UGT1A7: variants seen among roughly 807,000 people sequenced by gnomAD.
The protein encoded by UGT1A7 is UDP-glucuronosyltransferase 1A7.
Under a neutral mutation model 45.6 loss-of-function variants are expected in UGT1A7, and 33 were observed. The observed-to-expected ratio is 0.72, with a 90% CI of 0.55 to 0.97. UGT1A7 has a LOEUF of 0.97. Among genes scored for constraint, UGT1A7 ranks in the 50% least tolerant of loss-of-function variants. The pLI is 0.00. For missense variants in UGT1A7, 684 were observed against 666.2 expected, an observed-to-expected ratio of 1.03 and a Z score of -0.29; for synonymous variants, 274 against 250.6, an observed-to-expected ratio of 1.09 and a Z score of -0.88.
intron 1 of UGT1A7, chr2:233,760,975 T>A: frequency 6.2e-7 from 1 of 1,614,220 alleles, no homozygotes; most frequent in Non-Finnish European, 8.5e-7. Context: ...TTATTCCCCG[T>A]ATGCAACCCT....
intron 1 of UGT1A7, among the ~76,000 whole-genome samples, chr2:233,752,110 GAGA>G (rs1201520833): frequency 1.3e-5 from 2 of 152,210 alleles, no homozygotes; most frequent in East Asian, 1.9e-4. Flanking sequence ...AGAATCAGAG[GAGA>G]AGAAGATGAT....
At position 233,729,652 on chromosome 2, in the gene UGT1A7, A is replaced by G. The variant is rs573544269; in HGVS notation, c.856-37382A>G. On this transcript the variant is annotated intron_variant, in intron 1 of 4. Transcript: ENST00000373426. ...TCCTACTGTGTTTTTTTTGAGGAAC[A>G]TTCCATGTGATTTAGACTTTAAGGG... 5 of 1,613,890 alleles carry G rather than the reference A, an allele frequency of 3.1e-6. No individual in the cohort carries two copies. The African/African-American group carries it at 6.7e-5, about 22-fold the overall frequency.
intron 1 of UGT1A7, chr2:233,729,771 C>A: frequency 6.2e-7 from 1 of 1,613,970 alleles, no homozygotes; most frequent in Non-Finnish European, 8.5e-7. Flanking sequence ...AGAACATGCT[C>A]TACCCTCTGG....
intron 1 of UGT1A7, among the ~76,000 whole-genome samples, chr2:233,739,970 G>A (rs887253377): frequency 6.6e-5 from 10 of 151,810 alleles, no homozygotes; most frequent in Admixed American, 4.6e-4. Flanking sequence ...GAATCATATC[G>A]GCAGTTTTCC....
At chr2:233,756,696 A>G (rs1696298484) in intron 1 of UGT1A7, among the ~76,000 whole-genome samples, 1 of 152,182 alleles carries the variant, frequency 6.6e-6, no homozygotes, top group African/African-American at 2.4e-5. Flanking sequence ...ATGACGATGA[A>G]TTTTGGGGGG....
At chr2:233,719,126 A>G (rs771877893) in intron 1 of UGT1A7, 1 of 1,614,270 alleles carries the variant, frequency 6.2e-7, no homozygotes. Context: ...GGTTCTTTGA[A>G]ACAGAACATC....
chr2:233,682,042 G>T lies in UGT1A7; in HGVS notation c.105G>T (p.Gly35=). The part of the protein sequence containing the change: ...AGKLLVVPMD[G]SHWFTMQSVV... Reference sequence around the variant, plus strand: ...AGCTGCTGGTAGTGCCCATGGATGGGAGCCACTGGTTCACCATGCAGTCGG... The same window carrying T: ...AGCTGCTGGTAGTGCCCATGGATGGTAGCCACTGGTTCACCATGCAGTCGG... Residue 35 remains glycine, a synonymous_variant, in exon 1 of 5, where the codon GGG becomes GGT. Coordinates refer to ENST00000373426, the MANE Select transcript of UGT1A7 (RefSeq NM_019077.3). 6.2e-7 allele frequency: 1 copy of T among 1,614,092 alleles called. No individual in the cohort carries two copies.
At chr2:233,747,812 C>A (rs1693783784) in intron 1 of UGT1A7, 1 of 1,613,462 alleles carries the variant, frequency 6.2e-7, no homozygotes, top group Non-Finnish European at 8.5e-7. Context: ...TACTAACGAC[C>A]AATTCAGACC....
intron 1 of UGT1A7, among the ~76,000 whole-genome samples, chr2:233,684,765 T>C (rs2074699581): frequency 6.6e-6 from 1 of 152,152 alleles, no homozygotes; most frequent in Admixed American, 6.5e-5. Context: ...ATTCAGATCA[T>C]AAAGAGTGCC....
At position 233,682,471 on chromosome 2, in the gene UGT1A7, A is replaced by G. The variant is rs201980156; in HGVS notation, c.534A>G (p.Glu178=). The change falls in exon 1 of 5, where the codon GAA becomes GAG. Residue 178 remains glutamate (E), a synonymous_variant. Coordinates refer to ENST00000373426, the MANE Select transcript of UGT1A7 (RefSeq NM_019077.3). The part of the protein sequence containing the change: ...FARGIFCHYL[E]EGAQCPAPLS... ...GGGGAATATTTTGCCACTATCTTGA[A>G]GAAGGTGCACAGTGCCCTGCTCCTC... The G allele has an allele frequency of 6.2e-7, 1 of 1,613,916 alleles. No individual in the cohort carries two copies. The highest frequency in any genetic ancestry group is 2.2e-5 in the East Asian group (1 of 44,880).
intron 1 of UGT1A7, chr2:233,740,955 A>G (rs1274225683): frequency 1.3e-5 from 2 of 151,640 alleles, no homozygotes; most frequent in Non-Finnish European, 2.9e-5. Flanking sequence ...TAGGTGTGGT[A>G]GCATTTCTGT....
At chr2:233,699,179 ACTT>A (rs765566665) in intron 1 of UGT1A7, among the ~76,000 whole-genome samples, 72 of 151,786 alleles carry the variant, frequency 4.7e-4, no homozygotes, top group African/African-American at 1.1e-3. Flanking sequence ...TCTGATCCTC[ACTT>A]CTTCTTCAGA....
At chr2:233,757,567 T>TATATATATATATATATATATATA (rs1553619947) in intron 1 of UGT1A7, among the ~76,000 whole-genome samples, 8 of 142,914 alleles carry the variant, frequency 5.6e-5, no homozygotes, top group Non-Finnish European at 1.1e-4. Context: ...TATATGTATA[T>TATATATATATATATATATATATA]ATGATATAGC....
At chr2:233,697,336 T>C (rs2075385854) in intron 1 of UGT1A7, among the ~76,000 whole-genome samples, 1 of 152,124 alleles carries the variant, frequency 6.6e-6, no homozygotes, top group East Asian at 1.9e-4. Context: ...ATGTATCCAT[T>C]TCCTCTAGGT....
intron 1 of UGT1A7, among the ~76,000 whole-genome samples, chr2:233,708,220 T>C (rs1342660993): frequency 6.6e-6 from 1 of 152,252 alleles, no homozygotes; most frequent in Non-Finnish European, 1.5e-5. Context: ...AACAATTTAT[T>C]CTTCCCTTAG....
intron 1 of UGT1A7, chr2:233,747,121 A>G (rs1359670371): frequency 1.4e-6 from 2 of 1,477,058 alleles, no homozygotes; most frequent in African/African-American, 2.8e-5. Flanking sequence ...TGATTTGCTA[A>G]GTGGCTCAGT....
intron 1 of UGT1A7, among the ~76,000 whole-genome samples, chr2:233,699,366 T>C (rs908833552): frequency 1.3e-5 from 2 of 152,240 alleles, no homozygotes; most frequent in African/African-American, 4.8e-5. Flanking sequence ...CTTATTGGTA[T>C]GGCTAGATTT....
chr2:233,761,189 T>C (rs763009411), intron 1 of UGT1A7: 1 of 1,614,202 alleles, frequency 6.2e-7, no homozygotes, highest in South Asian at 1.1e-5. Context: ...GCGTATATTC[T>C]TTCAGATGTA....
chr2:233,759,453 T>C (rs1697142782), intron 1 of UGT1A7, among the ~76,000 whole-genome samples: 1 of 152,190 alleles, frequency 6.6e-6, no homozygotes, highest in Non-Finnish European at 1.5e-5. Context: ...CAGGCCCAGT[T>C]AGCCACTCAA....
Sources: allele counts gnomAD v4.1 joint callset (sites outside exome capture counted in the v4.1 genomes callset), GRCh38; gene constraint gnomAD v4.1.1; transcripts MANE v1.5; gene names NCBI Gene and HGNC (gene_info 2026-07-23, HGNC 2026-07-21).